RNGTT: variants seen among roughly 807,000 people sequenced by gnomAD.
The protein encoded by RNGTT is RNA guanylyltransferase and 5'-phosphatase.
RNGTT carries 33 observed loss-of-function variants against 79.3 expected under a neutral mutation model. The observed-to-expected ratio is 0.42, with a 90% CI of 0.32 to 0.56. RNGTT has a LOEUF of 0.56. RNGTT is among the 20% of genes least tolerant of loss of function. The pLI is 0.17. For synonymous variants in RNGTT, 222 were observed against 235.9 expected, an observed-to-expected ratio of 0.94 and a Z score of 0.54; for missense variants, 497 against 739.1, an observed-to-expected ratio of 0.67 and a Z score of 3.80.
intron 14 of RNGTT, among the ~76,000 whole-genome samples, chr6:88,647,907 A>G (rs933307559): frequency 2.6e-5 from 4 of 151,602 alleles, no homozygotes; most frequent in African/African-American, 9.8e-5. Flanking sequence ...CGATGAAAAT[A>G]CCTGAAATAA....
chr6:88,917,229 T>C (rs1489395707), intron 4 of RNGTT, among the ~76,000 whole-genome samples: 1 of 152,204 alleles, frequency 6.6e-6, no homozygotes, highest in East Asian at 1.9e-4. Context: ...CAACTATCAA[T>C]TGAGCCAAAT....
At chr6:88,763,237 C>G (rs1432656071) in intron 13 of RNGTT, among the ~76,000 whole-genome samples, 1 of 151,934 alleles carries the variant, frequency 6.6e-6, no homozygotes, top group Non-Finnish European at 1.5e-5. Context: ...AGGCACTGTG[C>G]CTGGTGGAAG....
At chr6:88,853,212 T>C (rs1159118613) in intron 9 of RNGTT, among the ~76,000 whole-genome samples, 1 of 152,158 alleles carries the variant, frequency 6.6e-6, no homozygotes, top group Non-Finnish European at 1.5e-5. Context: ...AACATCCTAA[T>C]AAAAGTTAGA....
At chr6:88,913,235 A>T (rs1783893957) in intron 4 of RNGTT, among the ~76,000 whole-genome samples, 1 of 150,092 alleles carries the variant, frequency 6.7e-6, no homozygotes, top group African/African-American at 2.5e-5. Flanking sequence ...AACAAAAAAA[A>T]AAAAGCCCTA....
chr6:88,937,925 T>C (rs1784720861), intron 2 of RNGTT, among the ~76,000 whole-genome samples: 1 of 152,216 alleles, frequency 6.6e-6, no homozygotes, highest in Non-Finnish European at 1.5e-5. Context: ...GACTTTTTTA[T>C]TTGTTAAGGC....
At chr6:88,811,881 T>C (rs1780150705) in intron 11 of RNGTT, among the ~76,000 whole-genome samples, 1 of 152,156 alleles carries the variant, frequency 6.6e-6, no homozygotes, top group Non-Finnish European at 1.5e-5. Flanking sequence ...TTTTATGTGC[T>C]TTCATAACTC....
At chr6:88,829,996 G>T (rs546228243) in intron 11 of RNGTT, among the ~76,000 whole-genome samples, 1 of 151,972 alleles carries the variant, frequency 6.6e-6, no homozygotes, top group Non-Finnish European at 1.5e-5. Flanking sequence ...ACAGGAAATT[G>T]ACAAGGATAT....
intron 13 of RNGTT, among the ~76,000 whole-genome samples, chr6:88,709,954 T>C (rs931284518): frequency 2.0e-5 from 3 of 152,264 alleles, no homozygotes; most frequent in African/African-American, 7.2e-5. Context: ...AGTAGTGTAT[T>C]GTTTGTATAT....
intron 10 of RNGTT, among the ~76,000 whole-genome samples, chr6:88,849,279 T>C (rs1781588164): frequency 6.6e-6 from 1 of 152,006 alleles, no homozygotes; most frequent in African/African-American, 2.4e-5. Context: ...AATCAAAAAA[T>C]TAGATGTGTG....
At position 88,937,905 on chromosome 6, in the gene RNGTT, A is replaced by G. The variant is rs142412118; in HGVS notation, c.174+3166T>C. Among the ~76,000 whole-genome samples the G allele has an allele frequency of 1.9e-3, 282 of 152,248 alleles. 2 individuals carry two copies. Among genetic ancestry groups the G allele is most frequent in the African/African-American group, 6.6e-3 (274 of 41,536 alleles). On this transcript the variant is annotated intron_variant, in intron 2 of 15. Transcript: ENST00000369485. ...CCATTGTGGTCTAAGAAGGTATGTG[A>G]TATGATTTTGACTTTTTTATTTGTT... is the stretch of plus-strand genomic sequence containing the variant.
At chr6:88,798,800 C>A (rs2127860915) in intron 12 of RNGTT, among the ~76,000 whole-genome samples, 1 of 152,268 alleles carries the variant, frequency 6.6e-6, no homozygotes, top group East Asian at 1.9e-4. Flanking sequence ...AATTTCTTAA[C>A]ACAATAAAGG....
chr6:88,658,039 A>C (rs1774045050), intron 14 of RNGTT, among the ~76,000 whole-genome samples: 2 of 152,096 alleles, frequency 1.3e-5, no homozygotes, highest in South Asian at 4.2e-4. Context: ...CACCTGAGAA[A>C]CCCAAGTACT....
At chr6:88,615,510 T>C (rs1259135792) in intron 14 of RNGTT, among the ~76,000 whole-genome samples, 4 of 152,180 alleles carry the variant, frequency 2.6e-5, no homozygotes, top group Non-Finnish European at 4.4e-5. Context: ...AAAAAAGTGA[T>C]ATTCCAAGTA....
chr6:88,700,347 C>G (rs1449698050), intron 13 of RNGTT, among the ~76,000 whole-genome samples: 1 of 152,146 alleles, frequency 6.6e-6, no homozygotes, highest in Non-Finnish European at 1.5e-5. Flanking sequence ...CAATCTTGAT[C>G]TCCAGGTTTT....
rs546623068 is a variant in RNGTT at position 88,689,667 on chromosome 6, T to G, written c.1440-11248A>C. Among the ~76,000 whole-genome samples the G allele has an allele frequency of 4.0e-5, 6 of 151,664 alleles. No homozygotes were observed. In the East Asian group the frequency reaches 1.2e-3, roughly 29 times the overall value. On this transcript the variant is annotated intron_variant, in intron 13 of 15. Coordinates refer to ENST00000369485, the MANE Select transcript of RNGTT (RefSeq NM_003800.5). ...AGACAGTTCTTGTTTACAGTAAAAT[T>G]TATCTTAATACATGAAAAAATAATG...
chr6:88,706,268 G>C (rs1776127320), intron 13 of RNGTT, among the ~76,000 whole-genome samples: 3 of 152,000 alleles, frequency 2.0e-5, no homozygotes. Context: ...TCTGTATTTG[G>C]TGGTAAAATG....
intron 11 of RNGTT, among the ~76,000 whole-genome samples, chr6:88,834,015 C>T (rs1051621049): frequency 2.0e-5 from 3 of 151,826 alleles, no homozygotes; most frequent in Admixed American, 1.3e-4. Flanking sequence ...AGCGAGACTT[C>T]GTCTCAAAAA....
intron 2 of RNGTT, among the ~76,000 whole-genome samples, chr6:88,939,881 T>C (rs1045116752): frequency 1.1e-4 from 16 of 151,324 alleles, no homozygotes; most frequent in African/African-American, 3.9e-4. Context: ...GCCTCCCAAG[T>C]AGCTGGGACT....
In RNGTT at chr6:88,832,433, T is replaced by C. The variant is rs28841132; in HGVS notation, c.1269+11924A>G. Among the ~76,000 whole-genome samples, 1,185 of 152,076 alleles carry C rather than the reference T, an allele frequency of 7.8e-3. 9 individuals carry two copies. The highest frequency in any genetic ancestry group is 0.026 in the African/African-American group (1,097 of 41,484). On this transcript the variant is annotated intron_variant, in intron 11 of 15. Transcript: ENST00000369485. ...ACCCATTCCTTATACAAAAATTAAC[T>C]CAAGATGAATTAAAGACTTAAACAT...
Sources: allele counts gnomAD v4.1 joint callset (sites outside exome capture counted in the v4.1 genomes callset), GRCh38; gene constraint gnomAD v4.1.1; transcripts MANE v1.5; gene names NCBI Gene and HGNC (gene_info 2026-07-23, HGNC 2026-07-21).